IQGAP3: variants seen among roughly 807,000 people sequenced by gnomAD.
The protein encoded by IQGAP3 is ras GTPase-activating-like protein IQGAP3.
A neutral mutation model predicts 208.2 loss-of-function variants in IQGAP3; 165 were observed. The observed-to-expected ratio is 0.79, with a 90% CI of 0.70 to 0.90. IQGAP3 has a LOEUF of 0.90. Among genes scored for constraint, IQGAP3 ranks in the 40% least tolerant of loss-of-function variants. IQGAP3 has a pLI of 0.00. For missense variants in IQGAP3, 1,811 were observed against 2,043.1 expected, an observed-to-expected ratio of 0.89 and a Z score of 2.19; for synonymous variants, 703 against 803.6, an observed-to-expected ratio of 0.87 and a Z score of 2.12.
intron 11 of IQGAP3, among the ~76,000 whole-genome samples, chr1:156,557,641 G>A (rs1675905462): frequency 6.7e-5 from 1 of 14,840 alleles, no homozygotes; most frequent in African/African-American, 1.3e-4. Flanking sequence ...CCGGCCAGCC[G>A]CCCCGTCCGG....
intron 37 of IQGAP3, among the ~76,000 whole-genome samples, chr1:156,527,007 A>G (rs1421904340): frequency 6.6e-6 from 1 of 150,936 alleles, no homozygotes; most frequent in Non-Finnish European, 1.5e-5. Flanking sequence ...TAATTTTTGT[A>G]TTTTTAGTAG....
chr1:156,528,475 A>G, intron 36 of IQGAP3, 34 bp downstream of exon 36: 3 of 1,502,126 alleles, frequency 2.0e-6, no homozygotes, highest in Non-Finnish European at 2.8e-6. Flanking sequence ...GAGGACAGGA[A>G]GGGGCTGACA....
At chr1:156,535,080 T>A in intron 28 of IQGAP3, 83 bp downstream of exon 28, 1 of 1,023,802 alleles carries the variant, frequency 9.8e-7, no homozygotes, top group South Asian at 1.3e-5. Context: ...GGATTTTTTG[T>A]GTTTTTGTCT....
Position 156,563,283 on chromosome 1 carries a change from C to A in IQGAP3, c.649G>T (p.Ala217Ser). ...VHAAVLAINE[A>S]VERGVVEDTL... ...TCCTCCACCACCCCTCGCTCCACTG[C>A]TTCATTGATGGCAAGAACAGCTGCA... The change falls in exon 8 of 38, where the codon GCA becomes TCA. Residue 217 changes from alanine to serine, a missense_variant. Physicochemically the swap from Ala to Ser is moderately conservative, Grantham distance 99. Transcript: ENST00000361170. 1.9e-6 allele frequency: 3 copies of A among 1,606,124 alleles called. No individual in the cohort carries two copies. The highest frequency in any genetic ancestry group is 2.6e-6 in the Non-Finnish European group (3 of 1,174,196).
In IQGAP3 at chr1:156,566,538, T is replaced by C. The variant is rs1016274723; in HGVS notation, c.134A>G (p.Glu45Gly). The C allele has an allele frequency of 1.9e-6, 3 of 1,613,984 alleles. No individual in the cohort carries two copies. Among genetic ancestry groups the C allele is most frequent in the Non-Finnish European group, 2.5e-6 (3 of 1,179,926 alleles). ...CRLEEAKRWMEACLKEELPSP... is the reference protein window; with the variant it reads ...CRLEEAKRWMGACLKEELPSP... ...AGGAAGCTCCTCCTTCAGGCAGGCC[T>C]CCATCCAGCTATGAACATGAGAACA... Residue 45 changes from glutamate to glycine, a missense_variant, in exon 3 of 38, where the codon GAG becomes GGG. Physicochemically the swap from Glu to Gly is moderately conservative, Grantham distance 98. Coordinates refer to ENST00000361170, the MANE Select transcript of IQGAP3 (RefSeq NM_178229.5).
chr1:156,557,942 C>T (rs1468777467), intron 11 of IQGAP3, among the ~76,000 whole-genome samples: 3 of 8,838 alleles, frequency 3.4e-4, no homozygotes, highest in Admixed American at 1.4e-3. Flanking sequence ...GGGTCAGCCC[C>T]CCGCCCAGCC....
chr1:156,534,524 C>T lies in IQGAP3; in HGVS notation c.3717G>A (p.Leu1239=), dbSNP rs1292933925. ...SQHLRVLNDY[L]EETHLKFRKF... ...ACCTGAACTTGAGGTGTGTTTCCTCCAGATAGTCATTCAGGACCCGTAGGT... is the reference window on the plus strand; with the variant it reads ...ACCTGAACTTGAGGTGTGTTTCCTCTAGATAGTCATTCAGGACCCGTAGGT... The change falls in exon 29 of 38, where the codon CTG becomes CTA. Residue 1239 remains leucine, a synonymous_variant. Coordinates refer to ENST00000361170, the MANE Select transcript of IQGAP3 (RefSeq NM_178229.5). The T allele has an allele frequency of 1.3e-6, 2 of 1,588,050 alleles. No individual in the cohort carries two copies. The highest frequency in any genetic ancestry group is 1.7e-6 in the Non-Finnish European group (2 of 1,167,734).
At chr1:156,536,974 C>T in intron 27 of IQGAP3, 1 of 458,288 alleles carries the variant, frequency 2.2e-6, no homozygotes, top group South Asian at 4.5e-5. Context: ...AGGCCACACA[C>T]AGACTTGCAC....
At chr1:156,539,175 TTG>T in intron 25 of IQGAP3, 142 bp from the exon 26 acceptor site, 3 of 858,396 alleles carry the variant, frequency 3.5e-6, no homozygotes, top group Non-Finnish European at 3.7e-6. Context: ...CTCTCATCCT[TTG>T]TGTTAGCATG....
At chr1:156,542,124 A>T (rs1675015924) in intron 22 of IQGAP3, among the ~76,000 whole-genome samples, 1 of 152,208 alleles carries the variant, frequency 6.6e-6, no homozygotes, top group Non-Finnish European at 1.5e-5. Context: ...AGTCTTAAGG[A>T]GGTGAGTGAC....
At chr1:156,565,018 C>A (rs1676339126) in intron 4 of IQGAP3, among the ~76,000 whole-genome samples, 1 of 152,170 alleles carries the variant, frequency 6.6e-6, no homozygotes, top group Admixed American at 6.5e-5. Context: ...CAACAAAAAA[C>A]CAGGCCCCCA....
chr1:156,547,670 T>C (rs1675323645), intron 19 of IQGAP3, among the ~76,000 whole-genome samples: 1 of 152,206 alleles, frequency 6.6e-6, no homozygotes, highest in Non-Finnish European at 1.5e-5. Flanking sequence ...TCTCACTCTC[T>C]GGATAGTGAC....
At chr1:156,560,765 C>A (rs188501696) in intron 11 of IQGAP3, among the ~76,000 whole-genome samples, 169 bp downstream of exon 11, 37 of 152,210 alleles carry the variant, frequency 2.4e-4, no homozygotes, top group African/African-American at 8.9e-4. Context: ...CTGTAGTGTC[C>A]CCCCAGGCAG....
At chr1:156,561,785 C>T (rs1298706403) in intron 10 of IQGAP3, 53 bp downstream of exon 10, 4 of 1,568,162 alleles carry the variant, frequency 2.6e-6, no homozygotes. Flanking sequence ...AAGAGGCCCT[C>T]TCCTATCCTA....
rs1027097883 is a variant in IQGAP3 at position 156,563,397 on chromosome 1, A to C, written c.620-85T>G. 3.1e-5 allele frequency: 45 copies of C among 1,443,016 alleles called. No homozygotes were observed. In the African/African-American group the frequency reaches 3.8e-4, roughly 12 times the overall value. The allele number at this position is 1,443,016 out of a possible 1,614,324, so 89.4% of individuals were successfully genotyped here. ...ACCAGTAGCAGCCCACTCTAATGTCATCCTTTTTCCCACCCTCAAGGGCCA... is the reference window on the plus strand; with the variant it reads ...ACCAGTAGCAGCCCACTCTAATGTCCTCCTTTTTCCCACCCTCAAGGGCCA... On this transcript the variant is annotated intron_variant, in intron 7 of 37. Transcript: ENST00000361170.
intron 25 of IQGAP3, 25 bp downstream of exon 25, chr1:156,539,349 A>T: frequency 1.2e-6 from 2 of 1,609,170 alleles, no homozygotes; most frequent in South Asian, 1.1e-5. Context: ...TTCTCTCCCC[A>T]TTCCTTTGTG....
chr1:156,529,919 A>AAAAAAAAG (rs1674296086), intron 34 of IQGAP3, among the ~76,000 whole-genome samples, 186 bp downstream of exon 34: 1 of 149,598 alleles, frequency 6.7e-6, no homozygotes, highest in Non-Finnish European at 1.5e-5. Flanking sequence ...ACTGTCTCAA[A>AAAAAAAAG]AAAAAAAAAA....
chr1:156,538,042 C>A (rs1051053873), intron 26 of IQGAP3, among the ~76,000 whole-genome samples: 2 of 152,002 alleles, frequency 1.3e-5, no homozygotes, highest in Non-Finnish European at 2.9e-5. Context: ...CAGGAGTGCG[C>A]CACAACACCC....
intron 11 of IQGAP3, among the ~76,000 whole-genome samples, chr1:156,558,553 T>C (rs1336372477): frequency 9.3e-4 from 3 of 3,240 alleles, no homozygotes; most frequent in African/African-American, 9.8e-4. Flanking sequence ...TGAGGGGCGC[T>C]TCTGCCCGGC....
Sources: allele counts gnomAD v4.1 joint callset (sites outside exome capture counted in the v4.1 genomes callset), GRCh38; gene constraint gnomAD v4.1.1; transcripts MANE v1.5; gene names NCBI Gene and HGNC (gene_info 2026-07-23, HGNC 2026-07-21).